Variants in KRT75 observed in about 807,000 individuals in gnomAD.
KRT75 encodes the protein keratin 75, also known as keratin, type II cytoskeletal 75.
KRT75 carries 35 observed loss-of-function variants against 48.8 expected under a neutral mutation model. The ratio of observed to expected loss-of-function variants is 0.72; its 90% CI spans 0.55 to 0.95. The LOEUF is 0.95. Among genes scored for constraint, KRT75 ranks in the 40% least tolerant of loss-of-function variants. The pLI, the probability that KRT75 is intolerant of heterozygous loss-of-function variation, is 0.00. For synonymous variants in KRT75, 301 were observed against 282.3 expected (o/e 1.07, Z -0.66); for missense variants, 776 against 709.9 (o/e 1.09, Z -1.06).
At position 52,429,386 on chromosome 12, in the gene KRT75, T is replaced by A. The variant is rs140817937; in HGVS notation, c.1036-643A>T. Among the ~76,000 whole-genome samples, 311 of 152,302 alleles carry A rather than the reference T, an allele frequency of 2.0e-3. 1 individual carries two copies. The highest frequency in any genetic ancestry group is 7.3e-3 in the African/African-American group (302 of 41,556). ...GAAGACTTTGTAAAAGTATTCCCAA[T>A]CTCAGGTAGTTCTCAATCTAATGGT... On this transcript the variant is annotated intron_variant, in intron 5 of 8. Coordinates refer to ENST00000252245, the MANE Select transcript of KRT75 (RefSeq NM_004693.3).
intron 5 of KRT75, among the ~76,000 whole-genome samples, chr12:52,430,036 A>G (rs1756453605): frequency 6.6e-6 from 1 of 152,016 alleles, no homozygotes; most frequent in African/African-American, 2.4e-5. Context: ...TTTGTCCCTC[A>G]TGGCTTCCCA....
At chr12:52,431,886 G>T in intron 3 of KRT75, 120 bp downstream of exon 3, 1 of 969,526 alleles carries the variant, frequency 1.0e-6, no homozygotes, top group Non-Finnish European at 1.7e-6. Context: ...TTTGAACTCT[G>T]CAGATATTCT....
Position 52,424,438 on chromosome 12 carries a change from A to G in KRT75, c.*79T>C. On this transcript the variant is annotated 3_prime_UTR_variant, in exon 9 of 9. Transcript: ENST00000252245. ...GCACAGGTGCACCTTACAAGGAGAGAGGAAGGAGGAGGACCCTGGTGTCCA... is the reference window on the plus strand; with the variant it reads ...GCACAGGTGCACCTTACAAGGAGAGGGGAAGGAGGAGGACCCTGGTGTCCA... The G allele has an allele frequency of 2.4e-6, 3 of 1,253,092 alleles. No homozygotes were observed. In the South Asian group the frequency reaches 3.6e-5, roughly 15 times the overall value. The allele number at this position is 1,253,092 out of a possible 1,614,324, so 77.6% of individuals were successfully genotyped here.
chr12:52,431,513 G>A (rs772524203), intron 4 of KRT75, 30 bp downstream of exon 4: 1 of 1,460,600 alleles, frequency 6.8e-7, no homozygotes, highest in African/African-American at 1.4e-5. Context: ...TCCAGACCTA[G>A]GAGAGACAGA....
At position 52,434,243 on chromosome 12, in the gene KRT75, G is replaced by A. The variant is rs763161430; in HGVS notation, c.62C>T (p.Ser21Leu). Residue 21 changes from serine to leucine, a missense_variant, in exon 1 of 9, where the codon TCG (serine) becomes TTG (leucine). Physicochemically the swap from Ser to Leu is moderately radical, Grantham distance 145. Coordinates refer to ENST00000252245, the MANE Select transcript of KRT75 (RefSeq NM_004693.3). ...SGSRRGFSTTSAITPAAGRSR... is the reference protein window; with the variant it reads ...SGSRRGFSTTLAITPAAGRSR... ...GCGGCCAGCTGCCGGGGTGATGGCC[G>A]AGGTGGTGCTGAAGCCCCTGCGGCT... 25 of 1,589,758 alleles carry A rather than the reference G, an allele frequency of 1.6e-5. No individual in the cohort carries two copies. The highest frequency in any genetic ancestry group is 1.5e-4 in the African/African-American group (11 of 74,614).
intron 7 of KRT75, among the ~76,000 whole-genome samples, chr12:52,427,786 G>C (rs1179833679): frequency 6.6e-6 from 1 of 152,144 alleles, no homozygotes; most frequent in African/African-American, 2.4e-5. Flanking sequence ...GCTCCTAACT[G>C]GCAGAGCACA....
chr12:52,424,789 G>C (rs1366752672), intron 8 of KRT75, 34 bp from the exon 9 acceptor site: 2 of 1,528,962 alleles, frequency 1.3e-6, no homozygotes, highest in African/African-American at 1.4e-5. Context: ...GTCAGATCAA[G>C]TGCAAGCGAG....
intron 2 of KRT75, 62 bp from the exon 3 acceptor site, chr12:52,432,128 G>A (rs2232392): frequency 2.6e-6 from 4 of 1,550,752 alleles, no homozygotes; most frequent in Non-Finnish European, 3.6e-6. Context: ...TTTCCAGGCT[G>A]GTGTAGCAAG....
chr12:52,433,207 C>G lies in KRT75; in HGVS notation c.544G>C (p.Ala182Pro). 1.2e-6 allele frequency: 2 copies of G among 1,614,076 alleles called. No individual in the cohort carries two copies. The highest frequency in any genetic ancestry group is 8.5e-7 in the Non-Finnish European group (1 of 1,180,012). ...CTGGAGCCCTGCTCCTGCAGGAGGG[C>G]CCACTTGGTCTCCAGGACCTTGTTC... ...QQNKVLETKW[A>P]LLQEQGSRTV... The change falls in exon 2 of 9, where the codon GCC (alanine) becomes CCC (proline). Residue 182 changes from alanine to proline, a missense_variant. Ala to Pro is a conservative substitution (Grantham distance 27). Transcript: ENST00000252245.
At position 52,424,459 on chromosome 12, in the gene KRT75, G is replaced by T; in HGVS notation, c.*58C>A. Reference sequence around the variant, plus strand: ...AGAGAGGAAGGAGGAGGACCCTGGTGTCCAGGTGTGACTGCAAACAGGCCT... The same window carrying T: ...AGAGAGGAAGGAGGAGGACCCTGGTTTCCAGGTGTGACTGCAAACAGGCCT... On this transcript the variant is annotated 3_prime_UTR_variant, in exon 9 of 9. Coordinates refer to ENST00000252245, the MANE Select transcript of KRT75 (RefSeq NM_004693.3). 6.9e-7 allele frequency: 1 copy of T among 1,444,372 alleles called. No homozygotes were observed. Among genetic ancestry groups the T allele is most frequent in the Non-Finnish European group, 9.8e-7 (1 of 1,024,954 alleles). 89.5% of individuals were successfully genotyped at this position (1,444,372 alleles called of 1,614,324 possible). A position where few individuals can be genotyped will look rare whatever the true frequency, so the allele number is the denominator to read the frequency against.
intron 2 of KRT75, 93 bp downstream of exon 2, chr12:52,432,945 G>T: frequency 1.6e-6 from 2 of 1,288,560 alleles, no homozygotes; most frequent in Non-Finnish European, 2.2e-6. Context: ...GCTCCCGGCT[G>T]ATATCGGCAT....
rs144007481 is a variant in KRT75 at position 52,428,372 on chromosome 12, C to G, written c.1266G>C (p.Lys422Asn). The change falls in exon 7 of 9, where the codon AAG becomes AAC. Residue 422 changes from lysine to asparagine, a missense_variant. Coordinates refer to ENST00000252245, the MANE Select transcript of KRT75 (RefSeq NM_004693.3). ...GGAGCCGAGCCATGTCCTGCTTGGCCTTCTGCAGGGCCTCCTCAAGGTCCA... is the reference window on the plus strand; with the variant it reads ...GGAGCCGAGCCATGTCCTGCTTGGCGTTCTGCAGGGCCTCCTCAAGGTCCA... ...KLVDLEEALQKAKQDMARLLR... is the reference protein window; with the variant it reads ...KLVDLEEALQNAKQDMARLLR... 1.1e-5 allele frequency: 17 copies of G among 1,614,076 alleles called. No individual in the cohort carries two copies. The African/African-American group carries it at 2.1e-4, about 20-fold the overall frequency.
intron 7 of KRT75, 101 bp downstream of exon 7, chr12:52,428,155 A>G (rs1940096113): frequency 7.0e-7 from 1 of 1,424,630 alleles, no homozygotes; most frequent in Non-Finnish European, 9.8e-7. Context: ...ATTTTCTTCC[A>G]GGAGAAGAAG....
chr12:52,428,957 T>G (rs749953826), intron 5 of KRT75, among the ~76,000 whole-genome samples: 6 of 152,194 alleles, frequency 3.9e-5, no homozygotes, highest in Non-Finnish European at 7.3e-5. Context: ...TAAGTGCCCT[T>G]AGGAAATGAA....
At chr12:52,431,126 A>G (rs1409707831) in intron 4 of KRT75, among the ~76,000 whole-genome samples, 2 of 151,316 alleles carry the variant, frequency 1.3e-5, no homozygotes, top group Non-Finnish European at 2.9e-5. Context: ...TTGGAGGGGT[A>G]GCGCCCAGAA....
chr12:52,424,740 G>A lies in KRT75; in HGVS notation c.1433C>T (p.Thr478Ile). ...GCCGCTTCCATAGCCACTGGAAAGA[G>A]TAGAGGTGACCACAGCTGCCGGGAA... ...SPVNISVVTS[T>I]LSSGYGSGSS... is the part of the protein sequence containing the mutation. Residue 478 changes from threonine to isoleucine, a missense_variant, in exon 9 of 9, where the codon ACT (threonine) becomes ATT (isoleucine). Thr to Ile is a moderately conservative substitution (Grantham distance 89, BLOSUM62 -1). Transcript: ENST00000252245. 1 of 1,613,666 alleles carries A rather than the reference G, an allele frequency of 6.2e-7. No homozygotes were observed. Among genetic ancestry groups the A allele is most frequent in the South Asian group, 1.1e-5 (1 of 91,064 alleles).
intron 4 of KRT75, among the ~76,000 whole-genome samples, chr12:52,431,319 C>T (rs931169857): frequency 1.9e-4 from 29 of 152,022 alleles, no homozygotes; most frequent in African/African-American, 6.8e-4. Flanking sequence ...TGTTGTCCTG[C>T]CATGGGATAA....
chr12:52,433,604 G>C (rs572411281), intron 1 of KRT75, among the ~76,000 whole-genome samples: 5 of 152,294 alleles, frequency 3.3e-5, no homozygotes, highest in African/African-American at 1.2e-4. Flanking sequence ...AGCCCATGTG[G>C]CTCCGAAAGA....
Position 52,434,212 on chromosome 12 carries a change from G to A in KRT75, c.93C>T (p.Arg31=). Residue 31 remains arginine (R), a synonymous_variant, in exon 1 of 9, where the codon CGC becomes CGT. Transcript: ENST00000252245. ...AGCGGGCCACAGAGACAGAGCTGAA[G>A]CGGGAGCGGCCAGCTGCCGGGGTGA... ...SAITPAAGRS[R]FSSVSVARSA... 1.9e-6 allele frequency: 3 copies of A among 1,600,346 alleles called. No individual in the cohort carries two copies. The highest frequency in any genetic ancestry group is 2.6e-6 in the Non-Finnish European group (3 of 1,172,170).
Sources: gnomAD v4.1 joint callset for allele counts (sites outside exome capture counted in the v4.1 genomes callset) on GRCh38, gnomAD v4.1.1 for gene constraint, MANE v1.5 for transcripts, NCBI Gene and HGNC (gene_info 2026-07-23, HGNC 2026-07-21) for gene names.